RGS3: variants seen among roughly 807,000 people sequenced by gnomAD.
RGS3 encodes the protein regulator of G-protein signalling 3.
Under a neutral mutation model 132.6 loss-of-function variants are expected in RGS3, and 80 were observed. The observed-to-expected ratio is 0.60, with a 90% CI of 0.50 to 0.73. The LOEUF (loss-of-function observed/expected upper bound fraction) is 0.73. Ranked by LOEUF, RGS3 falls within the 30% of genes least tolerant of loss-of-function variation. RGS3 has a pLI of 0.00. For synonymous variants in RGS3, 598 were observed against 620.6 expected (o/e 0.96, Z 0.54); for missense variants, 1,382 against 1,530.8 (o/e 0.90, Z 1.62).
upstream of RGS3, among the ~76,000 whole-genome samples, chr9:113,457,722 T>TG (rs1829394213): frequency 6.6e-6 from 1 of 152,230 alleles, no homozygotes; most frequent in Non-Finnish European, 1.5e-5. Flanking sequence ...GCATCTTAGT[T>TG]GCTTCATATA....
intron 18 of RGS3, chr9:113,536,506 C>CG: frequency 9.1e-7 from 1 of 1,094,872 alleles, no homozygotes; most frequent in Non-Finnish European, 1.1e-6. Flanking sequence ...GTGACCTCAT[C>CG]GGCTCTGTCC....
At chr9:113,562,972 G>A (rs922815315) in intron 19 of RGS3, among the ~76,000 whole-genome samples, 1 of 152,242 alleles carries the variant, frequency 6.6e-6, no homozygotes, top group Non-Finnish European at 1.5e-5. Context: ...TACACTGGGA[G>A]GCCCCCCAGC....
At chr9:113,580,021 G>A (rs114219296) in intron 19 of RGS3, among the ~76,000 whole-genome samples, 2,080 of 152,178 alleles carry the variant, frequency 0.014, 42 homozygotes, top group African/African-American at 0.048. Context: ...TGGGTTTCTC[G>A]GGTTTCCTAT....
chr9:113,510,570 T>C (rs933863193), intron 14 of RGS3, among the ~76,000 whole-genome samples: 1 of 152,194 alleles, frequency 6.6e-6, no homozygotes, highest in South Asian at 2.1e-4. Flanking sequence ...AGTGGGCCCA[T>C]GCACACAGGC....
chr9:113,547,039 A>T (rs1833145437), intron 19 of RGS3, among the ~76,000 whole-genome samples: 1 of 152,198 alleles, frequency 6.6e-6, no homozygotes, highest in African/African-American at 2.4e-5. Context: ...AAAGATGAGG[A>T]TAAAGTAGCT....
At chr9:113,583,616 C>T (rs1203208011) in exon 20 of RGS3, 3 of 1,614,044 alleles carry the variant, frequency 1.9e-6, no homozygotes. Context: ...CAGGAACCCG[C>T]TCCCAGCCAA....
At chr9:113,511,402 A>T (rs1831393719) in intron 14 of RGS3, among the ~76,000 whole-genome samples, 1 of 120,836 alleles carries the variant, frequency 8.3e-6, no homozygotes, top group South Asian at 2.7e-4. Flanking sequence ...GTACTGTTCT[A>T]AAAAAAAAAA....
In RGS3 at chr9:113,495,940, C is replaced by T. The variant is rs1830669142; in HGVS notation, c.750+94C>T. On this transcript the variant is annotated intron_variant, in intron 8 of 24. Coordinates refer to ENST00000350696, the Ensembl canonical transcript of RGS3. ...CTGTCAGCTCTTGGGCAGGGCTTCT[C>T]TCTGTGAGATGGTGCCCCACTGAGA... The T allele has an allele frequency of 1.3e-5, 15 of 1,120,658 alleles. No individual in the cohort carries two copies. The Admixed American group carries it at 2.5e-4, about 19-fold the overall frequency. 69.4% of individuals were successfully genotyped at this position (1,120,658 alleles called of 1,614,324 possible). A position where few individuals can be genotyped will look rare whatever the true frequency, so the allele number is the denominator to read the frequency against.
At chr9:113,481,303 G>A (rs369321254) in intron 4 of RGS3, among the ~76,000 whole-genome samples, 87 of 152,308 alleles carry the variant, frequency 5.7e-4, no homozygotes, top group African/African-American at 1.9e-3. Flanking sequence ...GACTGAGAAT[G>A]CAATGAGGAC....
At chr9:113,467,558 A>G (rs1025385596) in intron 3 of RGS3, among the ~76,000 whole-genome samples, 1 of 152,124 alleles carries the variant, frequency 6.6e-6, no homozygotes, top group Non-Finnish European at 1.5e-5. Context: ...TCTTTTGTTC[A>G]TTTTAAAATT....
chr9:113,501,646 C>T, intron 10 of RGS3: 2 of 1,558,468 alleles, frequency 1.3e-6, no homozygotes, highest in South Asian at 1.2e-5. Flanking sequence ...TGCTTGGCCT[C>T]TTGTGGGGAG....
In RGS3 at chr9:113,497,412, C is replaced by CA. The variant is rs1830723706; in HGVS notation, c.841+9dup. ...GACTGCGGCCGCTGAGAGGTACCTG[C>CA]ACACCCCCTTCAGCTTCCCTTCCCA... On this transcript the variant is annotated intron_variant, in intron 9 of 24. Coordinates refer to ENST00000350696, the Ensembl canonical transcript of RGS3. 6.2e-7 allele frequency: 1 copy of CA among 1,611,072 alleles called. No individual in the cohort carries two copies. Among genetic ancestry groups the CA allele is most frequent in the Non-Finnish European group, 8.5e-7 (1 of 1,178,564 alleles).
At chr9:113,597,128 G>A in exon 25 of RGS3, 2 of 597,876 alleles carry the variant, frequency 3.3e-6, no homozygotes, top group Non-Finnish European at 5.7e-6. Context: ...GGCTACTGGA[G>A]GAGTAGAAGG....
chr9:113,481,367 C>T (rs1369389247), intron 4 of RGS3, among the ~76,000 whole-genome samples: 3 of 152,192 alleles, frequency 2.0e-5, no homozygotes, highest in Non-Finnish European at 2.9e-5. Context: ...CAGGAGGTCA[C>T]CAGACCTGGG....
intron 19 of RGS3, among the ~76,000 whole-genome samples, chr9:113,550,209 C>T (rs1471459305): frequency 6.6e-6 from 1 of 152,054 alleles, no homozygotes; most frequent in Non-Finnish European, 1.5e-5. Flanking sequence ...CCAAAAAATA[C>T]AAAATTAGCC....
intron 1 of RGS3, among the ~76,000 whole-genome samples, chr9:113,445,428 C>T (rs1376346255): frequency 6.6e-6 from 1 of 151,868 alleles, no homozygotes; most frequent in Non-Finnish European, 1.5e-5. Context: ...CGAACTCTGC[C>T]CTCAGGTGAT....
chr9:113,459,293 C>T (rs980937422), upstream of RGS3, among the ~76,000 whole-genome samples: 2 of 151,986 alleles, frequency 1.3e-5, no homozygotes, highest in African/African-American at 2.4e-5. Flanking sequence ...ATAATTTTGT[C>T]GAATAGAGTT....
chr9:113,590,730 G>A (rs187971680), intron 20 of RGS3, among the ~76,000 whole-genome samples: 7 of 152,256 alleles, frequency 4.6e-5, no homozygotes, highest in Non-Finnish European at 1.0e-4. Context: ...AGAGATAACT[G>A]AAGGAATAAC....
intron 10 of RGS3, chr9:113,503,405 C>T (rs1231188756): frequency 6.6e-6 from 1 of 152,552 alleles, no homozygotes; most frequent in Non-Finnish European, 1.5e-5. Context: ...TTCCTCCGAG[C>T]TAGGAGGTGA....
Sources: gnomAD v4.1 joint callset for allele counts (sites outside exome capture counted in the v4.1 genomes callset) on GRCh38, gnomAD v4.1.1 for gene constraint, MANE v1.5 for transcripts, NCBI Gene and HGNC (gene_info 2026-07-23, HGNC 2026-07-21) for gene names.